LINGO1: variants seen among roughly 807,000 people sequenced by gnomAD.
The protein encoded by LINGO1 is leucine-rich repeat and immunoglobulin-like domain-containing nogo receptor-interacting protein 1.
LINGO1 carries 11 observed loss-of-function variants against 37.3 expected under a neutral mutation model. That is an observed-to-expected ratio of 0.29 (90% confidence interval 0.19 to 0.49). The LOEUF (loss-of-function observed/expected upper bound fraction) is 0.49, where lower values mean the gene tolerates loss of function less well. Ranked by LOEUF, LINGO1 falls within the 20% of genes least tolerant of loss-of-function variation. The pLI is 0.99. For synonymous variants in LINGO1, 387 were observed against 403.0 expected (o/e 0.96, Z 0.48); for missense variants, 585 against 878.2 (o/e 0.67, Z 4.22).
intron 3 of LINGO1, among the ~76,000 whole-genome samples, chr15:77,640,822 A>G (rs527625818): frequency 7.4e-6 from 1 of 135,200 alleles, no homozygotes; most frequent in South Asian, 2.7e-4. Context: ...CCATCCATTC[A>G]TCTCCTCATT....
chr15:77,645,979 A>G (rs2074617916), intron 3 of LINGO1, among the ~76,000 whole-genome samples: 1 of 148,840 alleles, frequency 6.7e-6, no homozygotes, highest in Non-Finnish European at 1.5e-5. Flanking sequence ...GAGCAAGTGC[A>G]TGGGCAAGCA....
intron 1 of LINGO1, among the ~76,000 whole-genome samples, chr15:77,750,568 C>T (rs2076361031): frequency 6.6e-6 from 1 of 152,138 alleles, no homozygotes; most frequent in Non-Finnish European, 1.5e-5. Flanking sequence ...CTATCTCTCC[C>T]ACCTCCTGGG....
At chr15:77,648,136 T>C (rs2141130543) in intron 3 of LINGO1, 1 of 341,808 alleles carries the variant, frequency 2.9e-6, no homozygotes, top group East Asian at 8.0e-5. Context: ...ATTAACCCCA[T>C]TTTACAGATG....
In LINGO1 at chr15:77,811,099, AC is replaced by A. The variant is rs1393547144; in HGVS notation, c.-458+9158del. Among the ~76,000 whole-genome samples the A allele has an allele frequency of 3.7e-5, 5 of 134,006 alleles. No individual in the cohort carries two copies. In the East Asian group the frequency reaches 7.1e-4, roughly 19 times the overall value. 87.9% of individuals were successfully genotyped at this position (134,006 alleles called of 152,430 possible). ...CACCCCAATTCCCACAGCTGTCCAG[AC>A]CCGATCCCAACCCCTCCTGCCAGGC... On this transcript the variant is annotated intron_variant, in intron 1 of 5. Transcript: ENST00000562933.
At chr15:77,704,872 G>A (rs2075830422) in intron 2 of LINGO1, among the ~76,000 whole-genome samples, 1 of 152,056 alleles carries the variant, frequency 6.6e-6, no homozygotes, top group Admixed American at 6.6e-5. Flanking sequence ...CCTGAACCCT[G>A]TCTCTGGCCC....
chr15:77,817,280 G>A (rs2077056522), intron 1 of LINGO1, among the ~76,000 whole-genome samples: 2 of 152,188 alleles, frequency 1.3e-5, no homozygotes, highest in African/African-American at 4.8e-5. Flanking sequence ...GCCACCTGGG[G>A]AGGAAGTGGC....
chr15:77,691,024 C>T (rs1173046718), intron 1 of LINGO1: 3 of 152,308 alleles, frequency 2.0e-5, no homozygotes, highest in Non-Finnish European at 4.4e-5. Flanking sequence ...TCCCTGGAAG[C>T]ACCTCTAGAC....
At chr15:77,787,788 G>C (rs2076786582), upstream of LINGO1, 1 of 152,192 alleles carries the variant, frequency 6.6e-6, no homozygotes, top group South Asian at 2.1e-4. Context: ...GATTGAAAAG[G>C]CCTCTAAGGC....
chr15:77,820,494 G>A (rs990551632), upstream of LINGO1, among the ~76,000 whole-genome samples: 10 of 152,180 alleles, frequency 6.6e-5, no homozygotes, highest in Non-Finnish European at 1.3e-4. Context: ...TAGGCTGAGC[G>A]CCCTGGACTG....
intron 1 of LINGO1, among the ~76,000 whole-genome samples, chr15:77,767,197 T>G (rs1465964059): frequency 6.6e-6 from 1 of 152,156 alleles, no homozygotes; most frequent in Non-Finnish European, 1.5e-5. Flanking sequence ...TTCTAGAAGC[T>G]TCCAGAAAAT....
intron 1 of LINGO1, among the ~76,000 whole-genome samples, chr15:77,747,948 G>T (rs1293954795): frequency 6.6e-6 from 1 of 152,248 alleles, no homozygotes. Context: ...GACAGCAGTG[G>T]CCATGCTGTG....
At chr15:77,721,824 T>G (rs2076053126) in intron 2 of LINGO1, among the ~76,000 whole-genome samples, 1 of 152,098 alleles carries the variant, frequency 6.6e-6, no homozygotes, top group Non-Finnish European at 1.5e-5. Flanking sequence ...GGGCCTCAGC[T>G]TCTCCATCTG....
chr15:77,686,836 AGCTCTGATCACTTGGT>A (rs2075519459), intron 2 of LINGO1, among the ~76,000 whole-genome samples: 1 of 151,992 alleles, frequency 6.6e-6, no homozygotes, highest in South Asian at 2.1e-4. Flanking sequence ...CCCCCACCTC[AGCTCTGATCACTTGGT>A]GCTCTCATCA....
intron 1 of LINGO1, among the ~76,000 whole-genome samples, chr15:77,780,359 C>T (rs546571536): frequency 6.6e-6 from 1 of 152,162 alleles, no homozygotes; most frequent in African/African-American, 2.4e-5. Context: ...GCAGCCTAGG[C>T]ATGGGGAGAG....
In LINGO1 at chr15:77,664,170, T is replaced by TGTGCGC; in HGVS notation, c.-13+12918_-13+12919insGCGCAC. Among the ~76,000 whole-genome samples the TGTGCGC allele has an allele frequency of 2.2e-3, 292 of 130,998 alleles. 1 individual carries two copies. Among genetic ancestry groups the TGTGCGC allele is most frequent in the Middle Eastern group, 0.015 (4 of 274 alleles). 85.9% of individuals were successfully genotyped at this position (130,998 alleles called of 152,430 possible). On this transcript the variant is annotated intron_variant, in intron 3 of 3. Coordinates refer to the LINGO1 transcript ENST00000559893. ...GTGTGTGTGTGTGTGTGTGTGTGTGTGCGCGCGCGCATGCGTTTGCATTCT... is the reference window on the plus strand; with the variant it reads ...GTGTGTGTGTGTGTGTGTGTGTGTGTGTGCGCGCGCGCGCGCATGCGTTTGCATTCT...
At chr15:77,710,734 C>T (rs185803210) in intron 2 of LINGO1, among the ~76,000 whole-genome samples, 67 of 152,368 alleles carry the variant, frequency 4.4e-4, no homozygotes, top group Middle Eastern at 3.4e-3. Context: ...CGAGGGAGGA[C>T]GGGGCGGCTG....
At chr15:77,732,403 G>A (rs571455873) in intron 2 of LINGO1, among the ~76,000 whole-genome samples, 3 of 152,332 alleles carry the variant, frequency 2.0e-5, no homozygotes, top group South Asian at 2.1e-4. Context: ...ACCCACCCCC[G>A]TGGTTCTGCT....
At chr15:77,756,495 C>G (rs1016679334) in intron 1 of LINGO1, among the ~76,000 whole-genome samples, 13 of 150,402 alleles carry the variant, frequency 8.6e-5, no homozygotes, top group Admixed American at 3.3e-4. Flanking sequence ...GACACACACA[C>G]ACACACACAC....
Position 77,806,827 on chromosome 15 carries a change from C to G in LINGO1, c.-457-10774G>C, listed in dbSNP as rs569479168. ...CACACCACTATCCTCCCATCTCCCC[C>G]CAGGCCGTGGTGACCAGCCTCCCAG... On this transcript the variant is annotated intron_variant, in intron 1 of 5. Transcript: ENST00000562933. Among the ~76,000 whole-genome samples, 13 of 152,208 alleles carry G rather than the reference C, an allele frequency of 8.5e-5. No individual in the cohort carries two copies. The South Asian group carries it at 2.5e-3, about 29-fold the overall frequency.
Sources: gnomAD v4.1 joint callset for allele counts (sites outside exome capture counted in the v4.1 genomes callset) on GRCh38, gnomAD v4.1.1 for gene constraint, MANE v1.5 for transcripts, NCBI Gene and HGNC (gene_info 2026-07-23, HGNC 2026-07-21) for gene names.